The following HACE1 variants were observed in gnomAD, a reference collection of about 807,000 sequenced individuals.
The protein encoded by HACE1 is HECT domain and ankyrin repeat containing E3 ubiquitin protein ligase 1.
In HACE1, 73 loss-of-function variants were observed where a neutral mutation model predicts 118.4. The observed-to-expected ratio is 0.62, with a 90% CI of 0.51 to 0.75. HACE1 has a LOEUF of 0.75. Ranked by LOEUF, HACE1 falls within the 30% of genes least tolerant of loss-of-function variation. The pLI is 0.00. For synonymous variants in HACE1, 368 were observed against 374.8 expected, an observed-to-expected ratio of 0.98 and a Z score of 0.21; for missense variants, 749 against 1,102.2, an observed-to-expected ratio of 0.68 and a Z score of 4.54.
At position 104,735,124 on chromosome 6, in the gene HACE1, C is replaced by T. The variant is rs181494780; in HGVS notation, c.2514-4708G>A. On this transcript the variant is annotated intron_variant, in intron 22 of 23. Transcript: ENST00000262903. ...GCAATGATAATCAATTTGGCAATACCGTAATTTAAAACTTTCAAGTTATAA... is the reference window on the plus strand; with the variant it reads ...GCAATGATAATCAATTTGGCAATACTGTAATTTAAAACTTTCAAGTTATAA... 3.0e-3 allele frequency among the ~76,000 whole-genome samples: 451 copies of T among 151,778 alleles called. 1 individual carries two copies. In the Middle Eastern group the frequency reaches 0.041, roughly 14 times the overall value.
At chr6:104,771,093 G>A in intron 19 of HACE1, 100 bp downstream of exon 19, 3 of 828,142 alleles carry the variant, frequency 3.6e-6, no homozygotes, top group Middle Eastern at 2.2e-4. Context: ...TACTGTAATA[G>A]TAAAAGTTTT....
chr6:104,821,025 A>G (rs947973343), intron 6 of HACE1, among the ~76,000 whole-genome samples: 1 of 152,192 alleles, frequency 6.6e-6, no homozygotes, highest in Non-Finnish European at 1.5e-5. Flanking sequence ...AGAACGTGAC[A>G]ATGTCCTTTT....
intron 22 of HACE1, among the ~76,000 whole-genome samples, chr6:104,738,804 G>T (rs1776254440): frequency 6.8e-6 from 1 of 147,162 alleles, no homozygotes; most frequent in African/African-American, 2.6e-5. Context: ...TTCAGATTCA[G>T]GAAATACAGA....
At chr6:104,756,515 C>T (rs1405526266) in intron 19 of HACE1, among the ~76,000 whole-genome samples, 1 of 151,250 alleles carries the variant, frequency 6.6e-6, no homozygotes, top group East Asian at 1.9e-4. Flanking sequence ...GATAAAAATC[C>T]TATTACTTCA....
chr6:104,846,205 A>G (rs955999053), intron 4 of HACE1, among the ~76,000 whole-genome samples: 2 of 152,224 alleles, frequency 1.3e-5, no homozygotes, highest in Non-Finnish European at 2.9e-5. Context: ...CAGGGTCTGA[A>G]TAAGTCAAAT....
intron 4 of HACE1, among the ~76,000 whole-genome samples, chr6:104,848,771 A>G (rs987261509): frequency 6.6e-6 from 1 of 152,188 alleles, no homozygotes; most frequent in Non-Finnish European, 1.5e-5. Flanking sequence ...AGATTAGCAG[A>G]AAAAAAGCAC....
At chr6:104,778,185 G>C (rs1176979175) in intron 14 of HACE1, among the ~76,000 whole-genome samples, 5 of 152,178 alleles carry the variant, frequency 3.3e-5, no homozygotes, top group Admixed American at 6.5e-5. Flanking sequence ...ATAGCAAAGA[G>C]AGTCTCTCCC....
chr6:104,853,619 T>C (rs1237389855), intron 1 of HACE1, among the ~76,000 whole-genome samples: 1 of 152,218 alleles, frequency 6.6e-6, no homozygotes, highest in Non-Finnish European at 1.5e-5. Flanking sequence ...CAGTATCAAG[T>C]ACCTCTCAAA....
chr6:104,751,397 G>A (rs1005625129), intron 19 of HACE1, among the ~76,000 whole-genome samples: 2 of 152,148 alleles, frequency 1.3e-5, no homozygotes. Flanking sequence ...TCTGAGTTAA[G>A]GTAATCTACA....
intron 22 of HACE1, chr6:104,731,246 T>C (rs1775167818): frequency 6.6e-6 from 1 of 152,134 alleles, no homozygotes; most frequent in Non-Finnish European, 1.5e-5. Flanking sequence ...TAGTGCTTTT[T>C]GGATAAATTA....
At chr6:104,794,398 A>G (rs1157904829) in intron 10 of HACE1, among the ~76,000 whole-genome samples, 2 of 152,220 alleles carry the variant, frequency 1.3e-5, no homozygotes, top group East Asian at 3.8e-4. Context: ...AATTATAACC[A>G]TCATCACCTC....
chr6:104,768,806 A>G (rs568807173), intron 19 of HACE1, among the ~76,000 whole-genome samples: 10 of 152,286 alleles, frequency 6.6e-5, no homozygotes, highest in African/African-American at 2.2e-4. Context: ...TAATATTAAA[A>G]TAGTATTCCC....
chr6:104,834,781 CA>C (rs1774359973), intron 5 of HACE1, among the ~76,000 whole-genome samples: 1 of 152,140 alleles, frequency 6.6e-6, no homozygotes, highest in East Asian at 1.9e-4. Context: ...ACAGGACTCC[CA>C]AAAGGCTCAA....
At chr6:104,748,257 A>AC (rs1777652733) in intron 20 of HACE1, among the ~76,000 whole-genome samples, 1 of 150,992 alleles carries the variant, frequency 6.6e-6, no homozygotes, top group Admixed American at 6.6e-5. Flanking sequence ...AGAAAAAAAA[A>AC]CACAATAGAA....
At chr6:104,825,588 T>C (rs918101138) in intron 6 of HACE1, among the ~76,000 whole-genome samples, 1 of 152,148 alleles carries the variant, frequency 6.6e-6, no homozygotes, top group African/African-American at 2.4e-5. Flanking sequence ...CAATCAGATG[T>C]TTGCATAGGG....
intron 7 of HACE1, among the ~76,000 whole-genome samples, chr6:104,802,828 T>C (rs1246359944): frequency 1.3e-5 from 2 of 152,016 alleles, no homozygotes; most frequent in Non-Finnish European, 2.9e-5. Context: ...GCAAACACAT[T>C]CAAAAGCTAG....
intron 19 of HACE1, among the ~76,000 whole-genome samples, chr6:104,755,886 C>G (rs1026194631): frequency 6.6e-6 from 1 of 152,022 alleles, no homozygotes; most frequent in Non-Finnish European, 1.5e-5. Flanking sequence ...GAGCCAAGAG[C>G]GAACAAACTC....
Position 104,744,551 on chromosome 6 carries a change from T to C in HACE1, c.2403A>G (p.Glu801=), listed in dbSNP as rs149247645. 6.8e-5 allele frequency: 109 copies of C among 1,603,684 alleles called. 1 individual carries two copies. Among genetic ancestry groups the C allele is most frequent in the Non-Finnish European group, 9.4e-6 (11 of 1,170,744 alleles). The stretch of plus-strand genomic sequence containing the variant: ...CTTCTCTTTCATAGCCACTTGTGTA[T>C]TCTGTATTTTTTATCCAATCACTCA... ...IDVSDWIKNT[E]YTSGYEREDP... The change falls in exon 21 of 24, where the codon GAA becomes GAG. Residue 801 remains glutamate (E), a synonymous_variant. Transcript: ENST00000262903.
chr6:104,859,749 G>A lies in HACE1; in HGVS notation c.-107C>T. 1 of 1,035,936 alleles carries A rather than the reference G, an allele frequency of 9.7e-7. No individual in the cohort carries two copies. The highest frequency in any genetic ancestry group is 1.4e-6 in the Non-Finnish European group (1 of 715,528). 64.2% of individuals were successfully genotyped at this position (1,035,936 alleles called of 1,614,324 possible). ...GCCCGTCCAGCAGGCGGAGACGCGGGCTTGCCCCGGCTAGAGCACTGAGCT... is the reference window on the plus strand; with the variant it reads ...GCCCGTCCAGCAGGCGGAGACGCGGACTTGCCCCGGCTAGAGCACTGAGCT... On this transcript the variant is annotated 5_prime_UTR_variant, in exon 1 of 24. Coordinates refer to ENST00000262903, the MANE Select transcript of HACE1 (RefSeq NM_020771.4).
Sources: allele counts gnomAD v4.1 joint callset (sites outside exome capture counted in the v4.1 genomes callset), GRCh38; gene constraint gnomAD v4.1.1; transcripts MANE v1.5; gene names NCBI Gene and HGNC (gene_info 2026-07-23, HGNC 2026-07-21).